The following RECQL4 variants were observed in gnomAD, a reference collection of about 807,000 sequenced individuals.
RECQL4 encodes RecQ like helicase 4.
Under a neutral mutation model 128.6 loss-of-function variants are expected in RECQL4, and 158 were observed. The observed-to-expected ratio is 1.23, with a 90% CI of 1.08 to 1.40. The LOEUF (loss-of-function observed/expected upper bound fraction) is 1.40. Among genes scored for constraint, RECQL4 ranks in the 40% most tolerant of loss-of-function variants. The pLI, the probability that RECQL4 is intolerant of heterozygous loss-of-function variation, is 0.00. For missense variants in RECQL4, 2,293 were observed against 1,649.8 expected, an observed-to-expected ratio of 1.39 and a Z score of -6.75; for synonymous variants, 996 against 678.9, an observed-to-expected ratio of 1.47 and a Z score of -7.26.
rs200942592 is a variant in RECQL4 at position 144,513,488 on chromosome 8, G to A, written c.2201-8C>T. On this transcript the variant is annotated splice_polypyrimidine_tract_variant and splice_region_variant and intron_variant, in intron 13 of 20. Coordinates refer to ENST00000617875, the MANE Select transcript of RECQL4 (RefSeq NM_004260.4). ...TGGTTTTGGGGGCACGACCTTTGGG[G>A]AAGACAGGCAGATGGTCAGTGGGAT... The A allele has an allele frequency of 1.8e-5, 29 of 1,610,020 alleles. 1 individual carries two copies. The Middle Eastern group carries it at 4.9e-4, about 27-fold the overall frequency.
rs772769234 is a variant in RECQL4, at chr8:144,514,394, G to A, written c.1705-32C>T. On this transcript the variant is annotated intron_variant, in intron 10 of 20. Transcript: ENST00000617875. Reference sequence around the variant, plus strand: ...GCAGCAAGATCAGAGGCACAGCCCAGGTGCCCGCCCGCTGCCTCCCTCACC... The same window carrying A: ...GCAGCAAGATCAGAGGCACAGCCCAAGTGCCCGCCCGCTGCCTCCCTCACC... 7 of 1,600,452 alleles carry A rather than the reference G, an allele frequency of 4.4e-6. No individual in the cohort carries two copies. In the East Asian group the frequency reaches 9.0e-5, roughly 21 times the overall value.
rs794726914 is a variant in RECQL4 at position 144,517,684 on chromosome 8, C to A, written c.84+17G>T. On this transcript the variant is annotated intron_variant, in intron 1 of 20. Coordinates refer to ENST00000617875, the MANE Select transcript of RECQL4 (RefSeq NM_004260.4). ...CGGGCCGCGCCCTCAGCCCCTCGGC[C>A]CCTGGGCAGCCCGCACCTGGCTCGG... is the stretch of plus-strand genomic sequence containing the variant. 3 of 1,429,016 alleles carry A rather than the reference C, an allele frequency of 2.1e-6. No individual in the cohort carries two copies. Among genetic ancestry groups the A allele is most frequent in the Non-Finnish European group, 2.7e-6 (3 of 1,095,804 alleles). 88.5% of individuals were successfully genotyped at this position (1,429,016 alleles called of 1,614,324 possible). A position where few individuals can be genotyped will look rare whatever the true frequency, so the allele number is the denominator to read the frequency against.
In RECQL4 at chr8:144,511,353, G is replaced by C; in HGVS notation, c.*78C>G. ...CTCCTCGTTCCCACACCCTGTGGCA[G>C]GTTTTGCCCAGGTCCTCAGTCACTG... is the stretch of plus-strand genomic sequence containing the variant. On this transcript the variant is annotated 3_prime_UTR_variant, in exon 21 of 21. Transcript: ENST00000617875. 6.3e-7 allele frequency: 1 copy of C among 1,587,798 alleles called. No individual in the cohort carries two copies.
Position 144,511,676 on chromosome 8 carries a change from C to T in RECQL4, c.3502+5G>A, listed in dbSNP as rs758521652. The stretch of plus-strand genomic sequence containing the variant: ...CTGCAGCGGGTGGGGCCTCCCAGGC[C>T]TCACCGATGCCGTGGAAGATGCGGG... On this transcript the variant is annotated splice_donor_5th_base_variant and intron_variant, in intron 20 of 20. Coordinates refer to ENST00000617875, the MANE Select transcript of RECQL4 (RefSeq NM_004260.4). 6.2e-7 allele frequency: 1 copy of T among 1,612,392 alleles called. No homozygotes were observed. The highest frequency in any genetic ancestry group is 1.1e-5 in the South Asian group (1 of 91,082).
At chr8:144,516,925 G>A in intron 4 of RECQL4, 125 bp downstream of exon 4, 1 of 1,440,534 alleles carries the variant, frequency 6.9e-7, no homozygotes, top group East Asian at 2.3e-5. Flanking sequence ...GAAGCTCCCT[G>A]AAGACTCGTG....
rs182603352 is a variant in RECQL4 at position 144,515,688 on chromosome 8, A to G, written c.1258+76T>C. 3.0e-4 allele frequency: 467 copies of G among 1,558,938 alleles called. 1 individual carries two copies. The African/African-American group carries it at 4.1e-3, about 14-fold the overall frequency. On this transcript the variant is annotated intron_variant, in intron 6 of 20. Transcript: ENST00000617875. ...ACCTGGAAGGCCTGTTGCTTGGAACATAAGTGTCCCCCAAAAGAGCACTGC... is the reference window on the plus strand; with the variant it reads ...ACCTGGAAGGCCTGTTGCTTGGAACGTAAGTGTCCCCCAAAAGAGCACTGC...
Position 144,511,384 on chromosome 8 carries a change from G to A in RECQL4, c.*47C>T. On this transcript the variant is annotated 3_prime_UTR_variant, in exon 21 of 21. Transcript: ENST00000617875. The stretch of plus-strand genomic sequence containing the variant: ...GCCCAGGTCCTCAGTCACTGCCCTA[G>A]CCTCTGACAACCCCAGCTCTACCCG... 6.2e-7 allele frequency: 1 copy of A among 1,601,210 alleles called. No homozygotes were observed. Among genetic ancestry groups the A allele is most frequent in the African/African-American group, 1.3e-5 (1 of 74,816 alleles).
At position 144,513,058 on chromosome 8, in the gene RECQL4, G is replaced by A. The variant is rs200114521; in HGVS notation, c.2544C>T (p.Arg848=). 2,970 of 1,580,016 alleles carry A rather than the reference G, an allele frequency of 1.9e-3. 5 individuals are homozygous for A. The highest frequency in any genetic ancestry group is 2.3e-3 in the Non-Finnish European group (2,637 of 1,163,826). ...DFLAVKRLVQ[R]VFPACTCTCT... ...AGGTGCAGGTGCAGGCTGGGAACAC[G>A]CGCTGTACCAGCCTCTTCACAGCCA... Residue 848 remains arginine, a synonymous_variant, in exon 15 of 21, where the codon CGC becomes CGT. Transcript: ENST00000617875.
At position 144,514,406 on chromosome 8, in the gene RECQL4, C is replaced by T. The variant is rs575262544; in HGVS notation, c.1704+36G>A. 6 of 1,602,722 alleles carry T rather than the reference C, an allele frequency of 3.7e-6. No individual in the cohort carries two copies. The South Asian group carries it at 5.5e-5, about 15-fold the overall frequency. On this transcript the variant is annotated intron_variant, in intron 10 of 20. Coordinates refer to ENST00000617875, the MANE Select transcript of RECQL4 (RefSeq NM_004260.4). ...GAGGCACAGCCCAGGTGCCCGCCCG[C>T]TGCCTCCCTCACCCCTAGGCCCATG...
At position 144,512,080 on chromosome 8, in the gene RECQL4, G is replaced by T. The variant is rs762956818; in HGVS notation, c.3237-13C>A. On this transcript the variant is annotated splice_polypyrimidine_tract_variant and intron_variant, in intron 18 of 20. Transcript: ENST00000617875. ...GGGGAAGGCTACGCTGTGGGGAGGA[G>T]CCTGTCAGAGCTGATCACTGCGGGA... is the stretch of plus-strand genomic sequence containing the variant. 1 of 1,605,934 alleles carries T rather than the reference G, an allele frequency of 6.2e-7. No individual in the cohort carries two copies. The highest frequency in any genetic ancestry group is 8.5e-7 in the Non-Finnish European group (1 of 1,177,542).
In RECQL4 at chr8:144,516,733, G is replaced by C; in HGVS notation, c.386C>G (p.Pro129Arg). The C allele has an allele frequency of 6.5e-7, 1 of 1,532,426 alleles. No individual in the cohort carries two copies. The highest frequency in any genetic ancestry group is 1.8e-4 in the Middle Eastern group (1 of 5,652). 94.9% of individuals were successfully genotyped at this position (1,532,426 alleles called of 1,614,324 possible). A position where few individuals can be genotyped will look rare whatever the true frequency, so the allele number is the denominator to read the frequency against. Residue 129 changes from proline (P) to arginine (R), a missense_variant, in exon 5 of 21, where the codon CCT (proline) becomes CGT (arginine). Physicochemically the swap from Pro to Arg is moderately radical, Grantham distance 103. Coordinates refer to ENST00000617875, the MANE Select transcript of RECQL4 (RefSeq NM_004260.4). ...AGPALGRRPW[P>R]LGRASSKAST... ...TGCCTTAGATGAGGCTCTTCCTAGA[G>C]GCCACGGTCTGCGGCCCAGGGCTGG...
rs2130673341 is a variant in RECQL4, at chr8:144,513,097, G to A, written c.2505C>T (p.Asp835=). 3.8e-6 allele frequency: 6 copies of A among 1,574,322 alleles called. No individual in the cohort carries two copies. The highest frequency in any genetic ancestry group is 5.2e-6 in the Non-Finnish European group (6 of 1,158,044). The change falls in exon 15 of 21, where the codon GAC becomes GAT. Residue 835 remains aspartate, a synonymous_variant. Transcript: ENST00000617875. ...TCTTCACAGCCAGGAAGTCCGTGCT[G>A]TCGGCGTGCACATGTCTGCGCAGCT... ...LRELRRHVHA[D]STDFLAVKRL...
At position 144,512,449 on chromosome 8, in the gene RECQL4, G is replaced by C. The variant is rs369172759; in HGVS notation, c.2998C>G (p.Leu1000Val). Residue 1000 changes from leucine to valine, a missense_variant, in exon 17 of 21, where the codon CTG becomes GTG. By Grantham distance (32) the Leu-to-Val change is conservative. Transcript: ENST00000617875. Reference protein sequence around the residue: ...VKLVDSMGWELASVRRALCQL... With the variant: ...VKLVDSMGWEVASVRRALCQL... ...CAGAGAGCCCGCCGCACAGAGGCCA[G>C]CTCCCAGCCCATGGAGTCCACCAGC... 1 of 1,611,482 alleles carries C rather than the reference G, an allele frequency of 6.2e-7. No individual in the cohort carries two copies. The highest frequency in any genetic ancestry group is 8.5e-7 in the Non-Finnish European group (1 of 1,179,284).
rs993147176 is a variant in RECQL4 at position 144,514,017 on chromosome 8, C to A, written c.1969G>T (p.Ala657Ser). Residue 657 changes from alanine (A) to serine (S), a missense_variant, in exon 12 of 21, where the codon GCT (alanine) becomes TCT (serine). Physicochemically the swap from Ala to Ser is moderately conservative, Grantham distance 99. Coordinates refer to ENST00000617875, the MANE Select transcript of RECQL4 (RefSeq NM_004260.4). ...RTASDVAQHL[A>S]VAEEPDLHGP... is the part of the protein sequence containing the mutation. ...TGGAGGTCAGGCTCTTCAGCCACAG[C>A]CAGGTGCTGTGCCACGTCACTGGCA... 1.9e-6 allele frequency: 3 copies of A among 1,571,638 alleles called. No homozygotes were observed. Among genetic ancestry groups the A allele is most frequent in the Non-Finnish European group, 2.6e-6 (3 of 1,159,442 alleles).
Position 144,517,760 on chromosome 8 carries a change from C to T in RECQL4, c.25G>A (p.Glu9Lys), listed in dbSNP as rs1035057882. 116 of 1,302,312 alleles carry T rather than the reference C, an allele frequency of 8.9e-5. No individual in the cohort carries two copies. In the African/African-American group the frequency reaches 1.4e-3, roughly 15 times the overall value. The allele number at this position is 1,302,312 out of a possible 1,614,324, so 80.7% of individuals were successfully genotyped here. Residue 9 changes from glutamate to lysine, a missense_variant, in exon 1 of 21, where the codon GAG becomes AAG. Coordinates refer to ENST00000617875, the MANE Select transcript of RECQL4 (RefSeq NM_004260.4). MERLRDVR[E>K]RLQAWERAFR... The stretch of plus-strand genomic sequence containing the variant: ...GCGCGCTCCCACGCCTGCAGCCGCT[C>T]CCGCACGTCCCGCAGCCGCTCCATG...
Position 144,516,141 on chromosome 8 carries a change from A to C in RECQL4, c.978T>G (p.Ser326Arg). The C allele has an allele frequency of 6.2e-7, 1 of 1,613,164 alleles. No individual in the cohort carries two copies. The highest frequency in any genetic ancestry group is 1.1e-5 in the South Asian group (1 of 91,074). ...NPRYHGLSPSSQARAGKAEGT... is the reference protein window; with the variant it reads ...NPRYHGLSPSRQARAGKAEGT... ...CCTCAGCCTTCCCAGCCCTAGCTTG[A>C]CTGGAGGGGCTGAGTCCGTGGTACC... Residue 326 changes from serine (S) to arginine (R), a missense_variant, in exon 5 of 21, where the codon AGT (serine) becomes AGG (arginine). By Grantham distance (110) the Ser-to-Arg change is moderately radical. Transcript: ENST00000617875.
At position 144,514,936 on chromosome 8, in the gene RECQL4, C is replaced by T. The variant is rs1827929982; in HGVS notation, c.1620G>A (p.Gln540=). The stretch of plus-strand genomic sequence containing the variant: ...TGTGCCCAGGGCCCTGTGTGCACAC[C>T]TGGTCATCCATGAGTGACAGCAGGG... The part of the protein sequence containing the change: ...VSPLLSLMDD[Q]VSGLPPCLKA... The change falls in exon 9 of 21, where the codon CAG becomes CAA. Residue 540 remains glutamine (Q), a splice_region_variant and synonymous_variant. Transcript: ENST00000617875. 1.2e-6 allele frequency: 2 copies of T among 1,611,134 alleles called. No individual in the cohort carries two copies. Among genetic ancestry groups the T allele is most frequent in the Non-Finnish European group, 1.7e-6 (2 of 1,179,424 alleles).
rs1266028485 is a variant in RECQL4 at position 144,515,442 on chromosome 8, G to C, written c.1274C>G (p.Thr425Arg). The change falls in exon 7 of 21, where the codon ACA (threonine) becomes AGA (arginine). Residue 425 changes from threonine (T) to arginine (R), a missense_variant. Coordinates refer to ENST00000617875, the MANE Select transcript of RECQL4 (RefSeq NM_004260.4). ...QCPRPASEEDTDAVGPEPLVP... is the reference protein window; with the variant it reads ...QCPRPASEEDRDAVGPEPLVP... ...CAGTGGCTCAGGCCCAACAGCATCT[G>C]TGTCTTCCTCACTTGCTGGGGCAGG... The C allele has an allele frequency of 5.0e-6, 8 of 1,612,802 alleles. No homozygotes were observed. Among genetic ancestry groups the C allele is most frequent in the Non-Finnish European group, 6.8e-6 (8 of 1,179,844 alleles).
Position 144,512,757 on chromosome 8 carries a change from G to A in RECQL4, c.2770C>T (p.Leu924=), listed in dbSNP as rs1324330537. ...DMPEEAIETL[L]CYLELHPHHW... Reference sequence around the variant, plus strand: ...TGTGGGTGCAGCTCCAGGTAGCACAGCAAAGTCTCGATGGCTGGGGGCAGA... The same window carrying A: ...TGTGGGTGCAGCTCCAGGTAGCACAACAAAGTCTCGATGGCTGGGGGCAGA... The change falls in exon 16 of 21, where the codon CTG becomes TTG. Residue 924 remains leucine, a synonymous_variant. Coordinates refer to ENST00000617875, the MANE Select transcript of RECQL4 (RefSeq NM_004260.4). 1.9e-6 allele frequency: 3 copies of A among 1,611,856 alleles called. No homozygotes were observed. The highest frequency in any genetic ancestry group is 1.7e-6 in the Non-Finnish European group (2 of 1,179,782).
Sources: allele counts gnomAD v4.1 joint callset, GRCh38; gene constraint gnomAD v4.1.1; transcripts MANE v1.5; gene names NCBI Gene and HGNC (gene_info 2026-07-23, HGNC 2026-07-21).